Variants in CAMSAP3 observed in about 807,000 individuals in gnomAD.
The protein encoded by CAMSAP3 is calmodulin regulated spectrin associated protein family member 3, also known as calmodulin-regulated spectrin-associated protein 3.
Under a neutral mutation model 112.5 loss-of-function variants are expected in CAMSAP3, and 34 were observed. The observed-to-expected ratio is 0.30, with a 90% CI of 0.23 to 0.40. The LOEUF (loss-of-function observed/expected upper bound fraction) is 0.40. Among genes scored for constraint, CAMSAP3 ranks in the 10% least tolerant of loss-of-function variants. CAMSAP3 has a pLI of 1.00. For missense variants in CAMSAP3, 1,602 were observed against 1,770.3 expected, an observed-to-expected ratio of 0.90 and a Z score of 1.71; for synonymous variants, 868 against 799.8, an observed-to-expected ratio of 1.09 and a Z score of -1.44.
Position 7,610,478 on chromosome 19 carries a change from G to T in CAMSAP3, c.763G>T (p.Val255Leu), listed in dbSNP as rs758815400. Residue 255 changes from valine to leucine, a missense_variant and splice_region_variant, in exon 6 of 17, where the codon GTG becomes TTG. By Grantham distance (32) the Val-to-Leu change is conservative. Around this residue, in one of 6 missense-constraint regions of CAMSAP3, gnomAD observed 58 missense variants for 108.4 expected, o/e 0.54. Coordinates refer to ENST00000160298, the MANE Select transcript of CAMSAP3 (RefSeq NM_020902.2). The surrounding 1 kb of genome is among the most constrained non-coding windows in gnomAD (Gnocchi z 4.9). The part of the protein sequence containing the change: ...YCPQLLRLEE[V>L]CLKDPMSVAD... ...ACCCACTCCTCCTGTCCCCACAGAG[G>T]TGTGCTTGAAGGACCCCATGTCTGT... 6.2e-7 allele frequency: 1 copy of T among 1,610,802 alleles called. No homozygotes were observed. Among genetic ancestry groups the T allele is most frequent in the African/African-American group, 1.3e-5 (1 of 74,910 alleles).
rs772170549 is a variant in CAMSAP3, at chr19:7,607,780, G to C, written c.622-346G>C. ...GTGGGCTTGGGGGCCCAGCAGGTCA[G>C]CACCCCTCCCCCTTGCTGATGGCTG... is the stretch of plus-strand genomic sequence containing the variant. On this transcript the variant is annotated intron_variant, in intron 4 of 16. Coordinates refer to ENST00000160298, the MANE Select transcript of CAMSAP3 (RefSeq NM_020902.2). The surrounding 1 kb of genome is among the most constrained non-coding windows in gnomAD (Gnocchi z 4.9). 2 of 754,998 alleles carry C rather than the reference G, an allele frequency of 2.6e-6. No homozygotes were observed. Among genetic ancestry groups the C allele is most frequent in the Non-Finnish European group, 4.3e-6 (2 of 463,362 alleles). 46.8% of individuals were successfully genotyped at this position (754,998 alleles called of 1,614,324 possible).
At chr19:7,613,211 G>T in intron 11 of CAMSAP3, 48 bp downstream of exon 11, 1 of 1,204,326 alleles carries the variant, frequency 8.3e-7, no homozygotes, top group Non-Finnish European at 1.1e-6. Context: ...TGGGGCGGGG[G>T]CGGGTGGGGG....
At position 7,617,047 on chromosome 19, in the gene CAMSAP3, C is replaced by T. The variant is rs2030846529; in HGVS notation, c.3213-279C>T. ...CACGGCAACCTCCGCCCCCTGGGTG[C>T]AAGTGATTCTCGTGCCTCAGCCTCC... On this transcript the variant is annotated intron_variant, in intron 14 of 16. Transcript: ENST00000160298. This position sits in a 1 kb window ranked among gnomAD's most constrained non-coding sequence, Gnocchi z 7.5. 6.8e-6 allele frequency among the ~76,000 whole-genome samples: 1 copy of T among 147,014 alleles called. No homozygotes were observed. The highest frequency in any genetic ancestry group is 1.5e-5 in the Non-Finnish European group (1 of 67,566).
chr19:7,597,068 G>A (rs1353090888), intron 1 of CAMSAP3, among the ~76,000 whole-genome samples: 3 of 152,164 alleles, frequency 2.0e-5, no homozygotes, highest in Non-Finnish European at 2.9e-5. Flanking sequence ...AGAAGACAGG[G>A]GTTAATTAAG....
At position 7,617,042 on chromosome 19, in the gene CAMSAP3, G is replaced by A. The variant is rs2030846408; in HGVS notation, c.3213-284G>A. Among the ~76,000 whole-genome samples, 1 of 141,010 alleles carries A rather than the reference G, an allele frequency of 7.1e-6. No individual in the cohort carries two copies. The highest frequency in any genetic ancestry group is 2.3e-4 in the South Asian group (1 of 4,392). The allele number at this position is 141,010 out of a possible 152,430, so 92.5% of individuals were successfully genotyped here. A position where few individuals can be genotyped will look rare whatever the true frequency, so the allele number is the denominator to read the frequency against. On this transcript the variant is annotated intron_variant, in intron 14 of 16. Transcript: ENST00000160298. The surrounding 1 kb of genome is among the most constrained non-coding windows in gnomAD (Gnocchi z 7.5). Reference sequence around the variant, plus strand: ...TGGCTCACGGCAACCTCCGCCCCCTGGGTGCAAGTGATTCTCGTGCCTCAG... The same window carrying A: ...TGGCTCACGGCAACCTCCGCCCCCTAGGTGCAAGTGATTCTCGTGCCTCAG...
intron 1 of CAMSAP3, among the ~76,000 whole-genome samples, chr19:7,598,743 C>T (rs532011879): frequency 6.6e-6 from 1 of 151,672 alleles, no homozygotes; most frequent in Admixed American, 6.6e-5. Flanking sequence ...GCCGAGATTG[C>T]ACCACTGCAC....
chr19:7,601,378 G>T (rs1321246396), intron 1 of CAMSAP3, among the ~76,000 whole-genome samples: 1 of 152,130 alleles, frequency 6.6e-6, no homozygotes, highest in Non-Finnish European at 1.5e-5. Flanking sequence ...GAGTGCCGGG[G>T]CACAATCTCG....
Position 7,606,467 on chromosome 19 carries a change from G to C in CAMSAP3, c.526-9G>C. The C allele has an allele frequency of 1.2e-6, 2 of 1,603,464 alleles. No individual in the cohort carries two copies. Among genetic ancestry groups the C allele is most frequent in the Admixed American group, 1.7e-5 (1 of 59,446 alleles). The stretch of plus-strand genomic sequence containing the variant: ...TGGCCAGACCACTGACCCCCTCCCT[G>C]CCCTCCAGACCGTCCGGCGGCTGCA... On this transcript the variant is annotated splice_polypyrimidine_tract_variant and intron_variant, in intron 3 of 16. Transcript: ENST00000160298.
Position 7,606,239 on chromosome 19 carries a change from C to G in CAMSAP3, c.403-32C>G, listed in dbSNP as rs750639168. The G allele has an allele frequency of 3.8e-6, 6 of 1,589,836 alleles. No individual in the cohort carries two copies. In the Admixed American group the frequency reaches 1.0e-4, roughly 27 times the overall value. On this transcript the variant is annotated intron_variant, in intron 2 of 16. Transcript: ENST00000160298. ...GCCGAGGTGCGCCTCCTGCAGCTCT[C>G]AGGTCTCACCCTCTAGCGCTTGCCC...
At position 7,615,615 on chromosome 19, in the gene CAMSAP3, C is replaced by T. The variant is rs878864382; in HGVS notation, c.3008C>T (p.Ala1003Val). The T allele has an allele frequency of 5.5e-6, 8 of 1,455,294 alleles. No homozygotes were observed. The highest frequency in any genetic ancestry group is 2.6e-5 in the East Asian group (1 of 38,090). The allele number at this position is 1,455,294 out of a possible 1,614,324, so 90.1% of individuals were successfully genotyped here. ...GATAAGGTGCTGCGGCCCCGGGCTG[C>T]GGGGTCCGGGGGTCCAGGTCGGGGC... ...DLDKVLRPRAAGSGGPGRGGR... is the reference protein window; with the variant it reads ...DLDKVLRPRAVGSGGPGRGGR... Residue 1003 changes from alanine to valine, a missense_variant, in exon 13 of 17, where the codon GCG becomes GTG. Physicochemically the swap from Ala to Val is moderately conservative, Grantham distance 64 (BLOSUM62 0). This residue lies in a region of CAMSAP3 where 1,100 missense variants were observed against 1,135.7 expected (regional missense o/e 0.97). Coordinates refer to ENST00000160298, the MANE Select transcript of CAMSAP3 (RefSeq NM_020902.2). The surrounding 1 kb of genome is among the most constrained non-coding windows in gnomAD (Gnocchi z 6.5).
In CAMSAP3 at chr19:7,615,959, G is replaced by A. The variant is rs2030764952; in HGVS notation, c.3112+240G>A. On this transcript the variant is annotated intron_variant, in intron 13 of 16. Transcript: ENST00000160298. The surrounding 1 kb of genome is among the most constrained non-coding windows in gnomAD (Gnocchi z 6.5). Reference sequence around the variant, plus strand: ...AATCCCAGCACTTTGGGAGGCTGAGGCGGGCGGATCACCTGAGGTCAGGAG... The same window carrying A: ...AATCCCAGCACTTTGGGAGGCTGAGACGGGCGGATCACCTGAGGTCAGGAG... Among the ~76,000 whole-genome samples the A allele has an allele frequency of 6.6e-6, 1 of 152,132 alleles. No individual in the cohort carries two copies. The highest frequency in any genetic ancestry group is 6.5e-5 in the Admixed American group (1 of 15,270).
chr19:7,611,280 C>A lies in CAMSAP3; in HGVS notation c.1123+112C>A. Reference sequence around the variant, plus strand: ...CCTTCCAATAGCCTCTCCATCAGATCCCCCTTGGGCATCCCAAAGTGACCC... The same window carrying A: ...CCTTCCAATAGCCTCTCCATCAGATACCCCTTGGGCATCCCAAAGTGACCC... On this transcript the variant is annotated intron_variant, in intron 9 of 16. Coordinates refer to ENST00000160298, the MANE Select transcript of CAMSAP3 (RefSeq NM_020902.2). This position sits in a 1 kb window ranked among gnomAD's most constrained non-coding sequence, Gnocchi z 6.9. 9.1e-7 allele frequency: 1 copy of A among 1,103,092 alleles called. No individual in the cohort carries two copies. Among genetic ancestry groups the A allele is most frequent in the Non-Finnish European group, 1.3e-6 (1 of 747,888 alleles). 68.3% of individuals were successfully genotyped at this position (1,103,092 alleles called of 1,614,324 possible). A position where few individuals can be genotyped will look rare whatever the true frequency, so the allele number is the denominator to read the frequency against.
At position 7,617,248 on chromosome 19, in the gene CAMSAP3, A is replaced by G. The variant is rs987174854; in HGVS notation, c.3213-78A>G. On this transcript the variant is annotated intron_variant, in intron 14 of 16. Coordinates refer to ENST00000160298, the MANE Select transcript of CAMSAP3 (RefSeq NM_020902.2). The surrounding 1 kb of genome is among the most constrained non-coding windows in gnomAD (Gnocchi z 7.5). ...CTTATTTTCCTTGGCCCCTCTGCAC[A>G]TAGGGAAGCTTCCCATCTCTGACCC... The G allele has an allele frequency of 1.1e-5, 11 of 1,014,080 alleles. No homozygotes were observed. The Admixed American group carries it at 1.9e-4, about 17-fold the overall frequency. The allele number at this position is 1,014,080 out of a possible 1,614,324, so 62.8% of individuals were successfully genotyped here.
chr19:7,613,581 C>T (rs567445043), intron 11 of CAMSAP3, among the ~76,000 whole-genome samples: 1 of 151,528 alleles, frequency 6.6e-6, no homozygotes, highest in South Asian at 2.1e-4. Flanking sequence ...CATGTCCCTC[C>T]CAAACAAGGT....
In CAMSAP3 at chr19:7,610,499, T is replaced by A. The variant is rs2030421891; in HGVS notation, c.784T>A (p.Ser262Thr). 1.2e-6 allele frequency: 2 copies of A among 1,613,296 alleles called. No individual in the cohort carries two copies. The highest frequency in any genetic ancestry group is 4.5e-5 in the East Asian group (2 of 44,868). ...LEEVCLKDPMSVADSLYNLQL... is the reference protein window; with the variant it reads ...LEEVCLKDPMTVADSLYNLQL... ...AGAGGTGTGCTTGAAGGACCCCATG[T>A]CTGTGGCGGACAGCCTGTACAACCT... Residue 262 changes from serine (S) to threonine (T), a missense_variant, in exon 6 of 17, where the codon TCT becomes ACT. This residue lies in a region of CAMSAP3 where 58 missense variants were observed against 108.4 expected (regional missense o/e 0.54). Transcript: ENST00000160298. The surrounding 1 kb of genome is among the most constrained non-coding windows in gnomAD (Gnocchi z 4.9).
rs186230809 is a variant in CAMSAP3, at chr19:7,615,320, G to A, written c.2808G>A (p.Ala936=). ...VEKEQRREEA[A]RLAQEEAPGP... ...AGGAACAGCGGAGGGAGGAGGCCGCGAGGTGAGGCCGGGCCTGCCCGGGAC... is the reference window on the plus strand; with the variant it reads ...AGGAACAGCGGAGGGAGGAGGCCGCAAGGTGAGGCCGGGCCTGCCCGGGAC... Residue 936 remains alanine (A), a splice_region_variant and synonymous_variant, in exon 12 of 17, where the codon GCG becomes GCA. Coordinates refer to ENST00000160298, the MANE Select transcript of CAMSAP3 (RefSeq NM_020902.2). The surrounding 1 kb of genome is among the most constrained non-coding windows in gnomAD (Gnocchi z 6.5). The A allele has an allele frequency of 7.1e-6, 11 of 1,545,046 alleles. No homozygotes were observed. The highest frequency in any genetic ancestry group is 5.5e-5 in the African/African-American group (4 of 73,054).
rs1248214805 is a variant in CAMSAP3, at chr19:7,611,965, C to T, written c.1472C>T (p.Pro491Leu). The T allele has an allele frequency of 6.2e-7, 1 of 1,611,288 alleles. No individual in the cohort carries two copies. The highest frequency in any genetic ancestry group is 1.7e-4 in the Middle Eastern group (1 of 6,050). ...GSFYLHSPEG[P>L]SKPSLASPYL... ...TTCTACCTCCACTCCCCTGAGGGGC[C>T]CTCCAAGCCATCCCTGGCCTCCCCC... Residue 491 changes from proline (P) to leucine (L), a missense_variant, in exon 11 of 17, where the codon CCC becomes CTC. Physicochemically the swap from Pro to Leu is moderately conservative, Grantham distance 98 (BLOSUM62 -3). Coordinates refer to ENST00000160298, the MANE Select transcript of CAMSAP3 (RefSeq NM_020902.2). This position sits in a 1 kb window ranked among gnomAD's most constrained non-coding sequence, Gnocchi z 6.9.
Position 7,612,124 on chromosome 19 carries a change from C to T in CAMSAP3, c.1631C>T (p.Ser544Phe). 6.2e-7 allele frequency: 1 copy of T among 1,612,604 alleles called. No homozygotes were observed. The highest frequency in any genetic ancestry group is 8.5e-7 in the Non-Finnish European group (1 of 1,179,718). Residue 544 changes from serine to phenylalanine, a missense_variant, in exon 11 of 17, where the codon TCC becomes TTC. Physicochemically the swap from Ser to Phe is radical, Grantham distance 155. Transcript: ENST00000160298. Reference sequence around the variant, plus strand: ...GAGGCATCGAAACCGCCAGCCCCATCCGAGGGGTCCCCGAAGGCGGTGGCT... The same window carrying T: ...GAGGCATCGAAACCGCCAGCCCCATTCGAGGGGTCCCCGAAGGCGGTGGCT... ...VGEASKPPAP[S>F]EGSPKAVASS...
In CAMSAP3 at chr19:7,617,527, C is replaced by T. The variant is rs966802671; in HGVS notation, c.3326-16C>T. 2 of 1,612,982 alleles carry T rather than the reference C, an allele frequency of 1.2e-6. No homozygotes were observed. Among genetic ancestry groups the T allele is most frequent in the East Asian group, 2.2e-5 (1 of 44,864 alleles). On this transcript the variant is annotated splice_polypyrimidine_tract_variant and intron_variant, in intron 15 of 16. Transcript: ENST00000160298. The surrounding 1 kb of genome is among the most constrained non-coding windows in gnomAD (Gnocchi z 7.5). ...TCCTGCTGCCCCCCACCCCCTCCCA[C>T]TGCCTCACCCTCTAGGTCCACGGCT...
Sources: allele counts gnomAD v4.1 joint callset (sites outside exome capture counted in the v4.1 genomes callset), GRCh38; gene constraint gnomAD v4.1.1; regional missense constraint gnomAD v4.1.1; non-coding constraint Gnocchi (gnomAD v3.1); transcripts MANE v1.5; gene names NCBI Gene and HGNC (gene_info 2026-07-23, HGNC 2026-07-21).